AGTPBP1: variants seen among roughly 807,000 people sequenced by gnomAD.
The protein encoded by AGTPBP1 is cytosolic carboxypeptidase 1.
In AGTPBP1, 70 loss-of-function variants were observed where a neutral mutation model predicts 143.9. The observed-to-expected ratio is 0.49, with a 90% CI of 0.40 to 0.59. The LOEUF is 0.59. Ranked by LOEUF, AGTPBP1 falls within the 20% of genes least tolerant of loss-of-function variation. AGTPBP1 has a pLI of 0.00. For missense variants in AGTPBP1, 1,229 were observed against 1,464.5 expected (o/e 0.84, Z 2.62); for synonymous variants, 463 against 500.2 (o/e 0.93, Z 0.99).
At chr9:85,700,498 C>G (rs1023890709) in intron 2 of AGTPBP1, among the ~76,000 whole-genome samples, 8 of 152,116 alleles carry the variant, frequency 5.3e-5, no homozygotes, top group Non-Finnish European at 1.2e-4. Flanking sequence ...ACAGATTAAC[C>G]TCAAAGAAAA....
chr9:85,682,590 CATTTT>C (rs1342625226), intron 3 of AGTPBP1, among the ~76,000 whole-genome samples: 1 of 152,158 alleles, frequency 6.6e-6, no homozygotes, highest in African/African-American at 2.4e-5. Flanking sequence ...ATTTATTTCA[CATTTT>C]GAGATTTTAA....
At chr9:85,800,328 C>T in the AGTPBP1 span, among the ~76,000 whole-genome samples, 8 of 152,132 alleles carry the variant, frequency 5.3e-5, no homozygotes, top group Non-Finnish European at 7.3e-5. Context: ...CTTCTGCTTT[C>T]GGAGAGAAAG....
At chr9:85,550,691 G>A (rs575469496) in intron 25 of AGTPBP1, among the ~76,000 whole-genome samples, 25 of 152,022 alleles carry the variant, frequency 1.6e-4, no homozygotes, top group Non-Finnish European at 1.5e-4. Context: ...CTCAAATGTA[G>A]CATCTGGAAA....
At chr9:85,687,116 T>G (rs1465321776) in intron 3 of AGTPBP1, among the ~76,000 whole-genome samples, 1 of 152,166 alleles carries the variant, frequency 6.6e-6, no homozygotes, top group Non-Finnish European at 1.5e-5. Flanking sequence ...AAATGAACTT[T>G]AAGTCTAGAA....
intron 17 of AGTPBP1, among the ~76,000 whole-genome samples, chr9:85,603,266 GA>G (rs540835288): frequency 1.1e-3 from 169 of 152,300 alleles, no homozygotes; most frequent in African/African-American, 3.9e-3. Context: ...CTTTCAGCTT[GA>G]GAGTGGAGAC....
the AGTPBP1 span, among the ~76,000 whole-genome samples, chr9:85,784,582 G>A: frequency 6.6e-6 from 1 of 152,140 alleles, no homozygotes; most frequent in Non-Finnish European, 1.5e-5. Flanking sequence ...TAGGGAGCAG[G>A]ATTTTTTAAA....
chr9:85,681,440 G>A, intron 3 of AGTPBP1, 105 bp from the exon 4 acceptor site: 1 of 861,780 alleles, frequency 1.2e-6, no homozygotes, highest in Non-Finnish European at 1.8e-6. Context: ...CACTGGTACA[G>A]TAAACACTCT....
At chr9:85,697,119 C>G (rs974838297) in intron 2 of AGTPBP1, among the ~76,000 whole-genome samples, 2 of 152,148 alleles carry the variant, frequency 1.3e-5, no homozygotes, top group African/African-American at 4.8e-5. Context: ...CCTTCCTTTA[C>G]TATATATTTC....
chr9:85,760,520 A>C, the AGTPBP1 span, among the ~76,000 whole-genome samples: 1 of 151,438 alleles, frequency 6.6e-6, no homozygotes, highest in Non-Finnish European at 1.5e-5. Context: ...GACAAAAACC[A>C]CATGATTGTC....
At chr9:85,701,333 G>A (rs1040936871) in intron 2 of AGTPBP1, among the ~76,000 whole-genome samples, 7 of 151,414 alleles carry the variant, frequency 4.6e-5, no homozygotes, top group Admixed American at 4.6e-4. Flanking sequence ...TGGTTCAAGC[G>A]ATTCTCCTGC....
chr9:85,605,408 A>C (rs996502394), intron 17 of AGTPBP1, among the ~76,000 whole-genome samples: 1 of 152,160 alleles, frequency 6.6e-6, no homozygotes, highest in Non-Finnish European at 1.5e-5. Context: ...TATCCTTCAA[A>C]CATGAAGGAG....
chr9:85,636,479 C>T (rs1192782243), intron 13 of AGTPBP1, among the ~76,000 whole-genome samples: 1 of 151,848 alleles, frequency 6.6e-6, no homozygotes, highest in Non-Finnish European at 1.5e-5. Context: ...GCCATGGTCT[C>T]GATCTCCTGA....
the AGTPBP1 span, among the ~76,000 whole-genome samples, chr9:85,798,131 GC>G: frequency 6.7e-6 from 1 of 150,362 alleles, no homozygotes; most frequent in Admixed American, 6.6e-5. Flanking sequence ...CAAACTTCTG[GC>G]CTAAAGTGAT....
intron 25 of AGTPBP1, among the ~76,000 whole-genome samples, chr9:85,560,505 C>T (rs575623265): frequency 3.0e-4 from 45 of 152,116 alleles, no homozygotes; most frequent in Non-Finnish European, 4.4e-4. Context: ...AAGTGGGGAG[C>T]GCAAGTCAAA....
At chr9:85,663,967 C>T (rs1479232753) in intron 8 of AGTPBP1, among the ~76,000 whole-genome samples, 2 of 152,024 alleles carry the variant, frequency 1.3e-5, no homozygotes, top group African/African-American at 2.4e-5. Flanking sequence ...GACTACTACT[C>T]AACAATAAAA....
Position 85,646,360 on chromosome 9 carries a change from G to A in AGTPBP1, c.1146C>T (p.Asn382=), listed in dbSNP as rs763919402. The change falls in exon 12 of 26, where the codon AAC becomes AAT. Residue 382 remains asparagine, a synonymous_variant. Transcript: ENST00000357081. The part of the protein sequence containing the change: ...DNDDIDVEAE[N]ETENEDDLDQ... ...CTAGGTCATCTTCATTCTCAGTTTC[G>A]TTTTCAGCTTCTACATCAATATCAT... 28 of 1,612,734 alleles carry A rather than the reference G, an allele frequency of 1.7e-5. No individual in the cohort carries two copies. The Admixed American group carries it at 2.3e-4, about 13-fold the overall frequency.
intron 2 of AGTPBP1, 30 bp from the exon 3 acceptor site, chr9:85,692,843 T>C (rs200385777): frequency 2.5e-6 from 4 of 1,604,888 alleles, no homozygotes; most frequent in Non-Finnish European, 3.4e-6. Context: ...TTAGGGCACA[T>C]TCTAAATCAA....
At chr9:85,620,968 A>C (rs969798799) in intron 15 of AGTPBP1, among the ~76,000 whole-genome samples, 56 of 152,174 alleles carry the variant, frequency 3.7e-4, no homozygotes, top group African/African-American at 1.3e-3. Context: ...TCTACCTAAA[A>C]ACAAACAAAA....
In AGTPBP1 at chr9:85,653,440, C is replaced by T. The variant is rs575207076; in HGVS notation, c.1087+1703G>A. ...AAAAATATAATTTCTTGTTTGTTCC[C>T]GTGTTTGGTGAATTTACTGCACTAG... On this transcript the variant is annotated intron_variant, in intron 11 of 25. Transcript: ENST00000357081. Among the ~76,000 whole-genome samples, 15 of 152,190 alleles carry T rather than the reference C, an allele frequency of 9.9e-5. 1 individual carries two copies. The South Asian group carries it at 1.5e-3, about 15-fold the overall frequency.
Sources: allele counts gnomAD v4.1 joint callset (sites outside exome capture counted in the v4.1 genomes callset), GRCh38; gene constraint gnomAD v4.1.1; transcripts MANE v1.5; gene names NCBI Gene and HGNC (gene_info 2026-07-23, HGNC 2026-07-21).